Variants in DGKB observed in about 807,000 individuals in gnomAD.
DGKB encodes diacylglycerol kinase beta.
A neutral mutation model predicts 114.3 loss-of-function variants in DGKB; 67 were observed. That is an observed-to-expected ratio of 0.59 (90% CI 0.48 to 0.72). The LOEUF (loss-of-function observed/expected upper bound fraction) is 0.72, where lower values mean the gene tolerates loss of function less well. Among genes scored for constraint, DGKB ranks in the 30% least tolerant of loss-of-function variants. The pLI, the probability that DGKB is intolerant of heterozygous loss-of-function variation, is 0.00. For synonymous variants in DGKB, 398 were observed against 323.1 expected (o/e 1.23, Z -2.49); for missense variants, 907 against 975.2 (o/e 0.93, Z 0.93).
chr7:14,223,163 C>G (rs1790264785), intron 23 of DGKB, among the ~76,000 whole-genome samples: 1 of 151,690 alleles, frequency 6.6e-6, no homozygotes, highest in African/African-American at 2.4e-5. Flanking sequence ...GGATTCATGT[C>G]TGCCATCTTA....
At chr7:14,584,512 C>A (rs960634011) in intron 17 of DGKB, among the ~76,000 whole-genome samples, 10 of 152,028 alleles carry the variant, frequency 6.6e-5, no homozygotes, top group African/African-American at 1.9e-4. Flanking sequence ...AAGCCAATGT[C>A]TTTTTATTTG....
chr7:14,525,287 C>A (rs1790467597), intron 20 of DGKB, among the ~76,000 whole-genome samples: 1 of 152,164 alleles, frequency 6.6e-6, no homozygotes, highest in Admixed American at 6.5e-5. Context: ...CAGTTGAAAA[C>A]TTCTTTGTGC....
At chr7:14,857,163 G>C (rs1850269753) in intron 1 of DGKB, among the ~76,000 whole-genome samples, 1 of 151,904 alleles carries the variant, frequency 6.6e-6, no homozygotes, top group Admixed American at 6.6e-5. Flanking sequence ...ATAAGGTCTA[G>C]AGGTAAGAGA....
intron 20 of DGKB, among the ~76,000 whole-genome samples, chr7:14,561,160 T>C (rs183488800): frequency 1.3e-5 from 2 of 152,244 alleles, no homozygotes; most frequent in Non-Finnish European, 2.9e-5. Context: ...TCCCGTCCTC[T>C]TCTCATGATA....
chr7:14,524,907 A>C (rs1790400023), intron 20 of DGKB, among the ~76,000 whole-genome samples: 4 of 152,128 alleles, frequency 2.6e-5, no homozygotes. Context: ...CATCACTGAA[A>C]TACATACACA....
intron 20 of DGKB, among the ~76,000 whole-genome samples, chr7:14,496,861 C>G (rs1021623283): frequency 1.3e-5 from 2 of 151,632 alleles, no homozygotes; most frequent in African/African-American, 2.4e-5. Flanking sequence ...GGTAAGGTAT[C>G]CAAAGTCACT....
chr7:14,412,659 C>A (rs925399888), intron 21 of DGKB, among the ~76,000 whole-genome samples: 1 of 152,050 alleles, frequency 6.6e-6, no homozygotes, highest in Non-Finnish European at 1.5e-5. Context: ...GAAAACATCA[C>A]TTTAACTATA....
At chr7:14,300,163 G>A (rs535473269) in intron 23 of DGKB, among the ~76,000 whole-genome samples, 10 of 152,132 alleles carry the variant, frequency 6.6e-5, no homozygotes, top group African/African-American at 1.2e-4. Context: ...CAAATCCTAC[G>A]TTACATAAAG....
chr7:14,289,970 T>G (rs529225355), intron 23 of DGKB, among the ~76,000 whole-genome samples: 1 of 152,330 alleles, frequency 6.6e-6, no homozygotes, highest in African/African-American at 2.4e-5. Context: ...AACTCATTAC[T>G]TGACACTCAA....
intron 25 of DGKB, among the ~76,000 whole-genome samples, chr7:14,157,406 A>G (rs1340742413): frequency 6.9e-6 from 1 of 145,106 alleles, no homozygotes; most frequent in Non-Finnish European, 1.5e-5. Flanking sequence ...TCTAGCCATT[A>G]TTTTCTGGAA....
intron 2 of DGKB, among the ~76,000 whole-genome samples, chr7:14,771,566 T>A (rs1837416075): frequency 6.6e-6 from 1 of 152,110 alleles, no homozygotes; most frequent in African/African-American, 2.4e-5. Flanking sequence ...AATTCTTTTC[T>A]ATGGGGTCTA....
intron 23 of DGKB, among the ~76,000 whole-genome samples, chr7:14,226,670 C>T (rs1436210262): frequency 6.6e-6 from 1 of 151,940 alleles, no homozygotes; most frequent in East Asian, 1.9e-4. Context: ...AACTGTATCT[C>T]ATAGCTCACT....
chr7:14,899,210 A>C (rs1348763656), intron 1 of DGKB, among the ~76,000 whole-genome samples: 1 of 152,032 alleles, frequency 6.6e-6, no homozygotes, highest in Non-Finnish European at 1.5e-5. Flanking sequence ...CTTCCTGGCA[A>C]ATTTTCAGAA....
At chr7:14,231,082 CCTTTCTTTCTTTCTTTCTTTCTTT>C (rs201778587) in intron 23 of DGKB, among the ~76,000 whole-genome samples, 1,487 of 121,856 alleles carry the variant, frequency 0.012, 29 homozygotes, top group African/African-American at 0.038. Context: ...TTCTTCTTTC[CCTTTCTTTCTTTCTTTCTTTCTTT>C]CTTTCTTTCT....
intron 21 of DGKB, among the ~76,000 whole-genome samples, chr7:14,367,685 G>T (rs904055513): frequency 6.6e-6 from 1 of 151,226 alleles, no homozygotes; most frequent in African/African-American, 2.4e-5. Context: ...CCAAGACTGG[G>T]TAATTTATAA....
intron 20 of DGKB, among the ~76,000 whole-genome samples, chr7:14,496,726 T>G (rs977668660): frequency 6.6e-6 from 1 of 151,810 alleles, no homozygotes; most frequent in Non-Finnish European, 1.5e-5. Flanking sequence ...TCTAAAGTTT[T>G]TGAAAACAGA....
chr7:14,691,970 T>C (rs1822948525), intron 9 of DGKB, among the ~76,000 whole-genome samples: 1 of 152,038 alleles, frequency 6.6e-6, no homozygotes, highest in Non-Finnish European at 1.5e-5. Context: ...TTATGTACAG[T>C]TAATAGAGTG....
chr7:14,943,907 C>T (rs1435397102), intron 1 of DGKB, among the ~76,000 whole-genome samples: 2 of 151,796 alleles, frequency 1.3e-5, no homozygotes, highest in African/African-American at 4.8e-5. Flanking sequence ...TTTAAGGTTT[C>T]ATCTGTTTTC....
intron 20 of DGKB, among the ~76,000 whole-genome samples, chr7:14,488,261 C>G (rs751071951): frequency 6.6e-6 from 1 of 152,050 alleles, no homozygotes; most frequent in Non-Finnish European, 1.5e-5. Flanking sequence ...TTATAAATCC[C>G]ACTCTTGCTC....
Sources: allele counts gnomAD v4.1 joint callset (sites outside exome capture counted in the v4.1 genomes callset), GRCh38; gene constraint gnomAD v4.1.1; transcripts MANE v1.5; gene names NCBI Gene and HGNC (gene_info 2026-07-23, HGNC 2026-07-21).